Variants in PCDH9 observed in about 807,000 individuals in gnomAD.
PCDH9 encodes the protein protocadherin-9.
A neutral mutation model predicts 70.6 loss-of-function variants in PCDH9; 24 were observed. The ratio of observed to expected loss-of-function variants is 0.34; its 90% CI spans 0.25 to 0.48. The LOEUF (loss-of-function observed/expected upper bound fraction) is 0.48. Among genes scored for constraint, PCDH9 ranks in the 20% least tolerant of loss-of-function variants. The pLI is 0.99. For missense variants in PCDH9, 1,281 were observed against 1,503.6 expected, an observed-to-expected ratio of 0.85 and a Z score of 2.45; for synonymous variants, 562 against 558.5, an observed-to-expected ratio of 1.01 and a Z score of -0.09.
intron 2 of PCDH9, among the ~76,000 whole-genome samples, chr13:67,101,894 T>A (rs1236037297): frequency 6.6e-6 from 1 of 152,178 alleles, no homozygotes; most frequent in Non-Finnish European, 1.5e-5. Flanking sequence ...TGGAATGGAA[T>A]GGCATTATGC....
chr13:67,197,782 A>G (rs924935550), intron 2 of PCDH9, among the ~76,000 whole-genome samples: 7 of 151,958 alleles, frequency 4.6e-5, no homozygotes, highest in Non-Finnish European at 1.0e-4. Flanking sequence ...AAAATGATTA[A>G]AATAAGTAAT....
At position 67,228,121 on chromosome 13, in the gene PCDH9, T is replaced by A; in HGVS notation, c.320A>T (p.Asn107Ile). The change falls in exon 2 of 5, where the codon AAT becomes ATT. Residue 107 changes from asparagine (N) to isoleucine (I), a missense_variant. Transcript: ENST00000377865. ...LCAGASYAEE[N>I]ECFFELEVVI... Reference sequence around the variant, plus strand: ...CACCTCAAGTTCAAAGAAACACTCATTCTCCTCAGCATATGAGGCGCCAGC... The same window carrying A: ...CACCTCAAGTTCAAAGAAACACTCAATCTCCTCAGCATATGAGGCGCCAGC... 6.2e-7 allele frequency: 1 copy of A among 1,614,164 alleles called. No homozygotes were observed. The highest frequency in any genetic ancestry group is 8.5e-7 in the Non-Finnish European group (1 of 1,180,000).
chr13:67,223,799 T>C (rs1566507483), intron 2 of PCDH9: 1 of 152,118 alleles, frequency 6.6e-6, no homozygotes, highest in Non-Finnish European at 1.5e-5. Context: ...CCTTTCTTCC[T>C]GTGTATTTAA....
At chr13:66,847,698 A>C (rs1461295733) in intron 3 of PCDH9, among the ~76,000 whole-genome samples, 1 of 152,146 alleles carries the variant, frequency 6.6e-6, no homozygotes, top group Admixed American at 6.5e-5. Context: ...GGGGGCCATT[A>C]TTCAGTAAAA....
intron 3 of PCDH9, among the ~76,000 whole-genome samples, chr13:66,838,281 A>G (rs1457634434): frequency 6.6e-6 from 1 of 152,084 alleles, no homozygotes; most frequent in African/African-American, 2.4e-5. Context: ...TAGACCAGCA[A>G]AATCAACTGA....
intron 3 of PCDH9, among the ~76,000 whole-genome samples, chr13:66,695,895 A>G (rs1255326238): frequency 6.6e-6 from 1 of 152,178 alleles, no homozygotes; most frequent in Non-Finnish European, 1.5e-5. Context: ...GTTAAAAATC[A>G]ATGTTATGGT....
At position 66,385,023 on chromosome 13, in the gene PCDH9, T is replaced by G. The variant is rs1183385007; in HGVS notation, c.3341-79995A>C. On this transcript the variant is annotated intron_variant, in intron 4 of 4. Coordinates refer to ENST00000377865, the MANE Select transcript of PCDH9 (RefSeq NM_203487.3). ...ACATCTCTCATTTCTTCACATTTCCTCCTACCCCAACCCCTGGTAATCACT... is the reference window on the plus strand; with the variant it reads ...ACATCTCTCATTTCTTCACATTTCCGCCTACCCCAACCCCTGGTAATCACT... Among the ~76,000 whole-genome samples the G allele has an allele frequency of 5.3e-5, 8 of 152,100 alleles. 1 individual carries two copies.
At chr13:66,723,436 T>A (rs1346884892) in intron 3 of PCDH9, among the ~76,000 whole-genome samples, 1 of 152,166 alleles carries the variant, frequency 6.6e-6, no homozygotes, top group Non-Finnish European at 1.5e-5. Flanking sequence ...TTCAGGGAAG[T>A]GATATAGGAA....
At chr13:67,157,383 A>G (rs1160596649) in intron 2 of PCDH9, among the ~76,000 whole-genome samples, 1 of 152,240 alleles carries the variant, frequency 6.6e-6, no homozygotes, top group Non-Finnish European at 1.5e-5. Flanking sequence ...TAAGACATAC[A>G]TATACTAACT....
At chr13:66,418,312 G>T (rs1957497868) in intron 4 of PCDH9, among the ~76,000 whole-genome samples, 4 of 152,122 alleles carry the variant, frequency 2.6e-5, no homozygotes, top group Admixed American at 2.6e-4. Flanking sequence ...AGATCAGATG[G>T]TGTTAGATGT....
intron 3 of PCDH9, among the ~76,000 whole-genome samples, chr13:66,690,953 T>C (rs2078476086): frequency 6.6e-6 from 1 of 152,226 alleles, no homozygotes; most frequent in Admixed American, 6.5e-5. Flanking sequence ...ACTAAAGTTT[T>C]AAATTATGTT....
chr13:67,182,048 C>T (rs1329387634), intron 2 of PCDH9, among the ~76,000 whole-genome samples: 1 of 152,152 alleles, frequency 6.6e-6, no homozygotes, highest in Non-Finnish European at 1.5e-5. Flanking sequence ...GGCTCTGCCC[C>T]TGGATCTCTT....
intron 3 of PCDH9, among the ~76,000 whole-genome samples, chr13:66,774,351 G>A (rs955104229): frequency 7.2e-5 from 11 of 152,078 alleles, no homozygotes; most frequent in African/African-American, 2.7e-4. Flanking sequence ...CTGCTTCTGT[G>A]TTGAGAGGAA....
At chr13:66,623,205 G>A (rs1424375353) in intron 4 of PCDH9, among the ~76,000 whole-genome samples, 1 of 152,186 alleles carries the variant, frequency 6.6e-6, no homozygotes, top group East Asian at 1.9e-4. Flanking sequence ...CACACTATCA[G>A]CCGACTATTT....
chr13:66,670,148 T>C (rs2078152300), intron 3 of PCDH9, among the ~76,000 whole-genome samples: 2 of 152,186 alleles, frequency 1.3e-5, no homozygotes, highest in Admixed American at 1.3e-4. Context: ...TTTTAAAAAA[T>C]ATTATATCAC....
intron 2 of PCDH9, among the ~76,000 whole-genome samples, chr13:67,019,151 C>T (rs79805485): frequency 0.043 from 6,500 of 151,570 alleles, 252 homozygotes; most frequent in African/African-American, 0.1. Flanking sequence ...TAAATAGTTG[C>T]CCAGGAGACC....
intron 3 of PCDH9, among the ~76,000 whole-genome samples, chr13:66,871,750 T>C (rs1594184210): frequency 6.6e-6 from 1 of 152,196 alleles, no homozygotes; most frequent in Admixed American, 6.6e-5. Context: ...CAAATCTTGA[T>C]CTATCCTTGT....
intron 2 of PCDH9, among the ~76,000 whole-genome samples, chr13:67,112,682 G>A (rs180721093): frequency 3.7e-3 from 436 of 119,316 alleles, no homozygotes; most frequent in Middle Eastern, 0.02. Flanking sequence ...TTCCTCCCTC[G>A]CTCCCTTCTT....
chr13:66,881,975 T>C (rs1236246131), intron 3 of PCDH9, among the ~76,000 whole-genome samples: 2 of 152,196 alleles, frequency 1.3e-5, no homozygotes, highest in Non-Finnish European at 2.9e-5. Context: ...GTATAAACTA[T>C]TAAATCTGAG....
Sources: allele counts gnomAD v4.1 joint callset (sites outside exome capture counted in the v4.1 genomes callset), GRCh38; gene constraint gnomAD v4.1.1; transcripts MANE v1.5; gene names NCBI Gene and HGNC (gene_info 2026-07-23, HGNC 2026-07-21).